The following YJU2B variants were observed in gnomAD, a reference collection of about 807,000 sequenced individuals.
The protein encoded by YJU2B is YJU2 splicing factor homolog B.
YJU2B carries 18 observed loss-of-function variants against 38.0 expected under a neutral mutation model. The ratio of observed to expected loss-of-function variants is 0.47; its 90% CI spans 0.33 to 0.70. The LOEUF is 0.70. Ranked by LOEUF, YJU2B falls within the 30% of genes least tolerant of loss-of-function variation. YJU2B has a pLI of 0.02. For missense variants in YJU2B, 538 were observed against 556.3 expected (o/e 0.97, Z 0.33); for synonymous variants, 246 against 225.4 (o/e 1.09, Z -0.82).
intron 1 of YJU2B, among the ~76,000 whole-genome samples, chr19:13,750,225 G>T (rs1228930271): frequency 6.6e-6 from 1 of 151,836 alleles, no homozygotes; most frequent in Non-Finnish European, 1.5e-5. Flanking sequence ...GAGTTCATTG[G>T]TTTTTTTTGT....
At position 13,759,147 on chromosome 19, in the gene YJU2B, G is replaced by C; in HGVS notation, c.448G>C (p.Glu150Gln). 3 of 1,613,736 alleles carry C rather than the reference G, an allele frequency of 1.9e-6. No homozygotes were observed. The highest frequency in any genetic ancestry group is 2.5e-6 in the Non-Finnish European group (3 of 1,179,916). Residue 150 changes from glutamate (E) to glutamine (Q), a missense_variant, in exon 8 of 10, where the codon GAG becomes CAG. Physicochemically the swap from Glu to Gln is conservative, Grantham distance 29. Around this residue, in one of 2 missense-constraint regions of YJU2B, gnomAD observed 488 missense variants for 469.5 expected, o/e 1.04. Transcript: ENST00000221554. The stretch of plus-strand genomic sequence containing the variant: ...GGAGACGGACGCCATGTTCCGGCTG[G>C]AGCATGGCGAGGCCGACCGCAGCAC... The part of the protein sequence containing the change: ...KLETDAMFRL[E>Q]HGEADRSTLK...
In YJU2B at chr19:13,752,066, G is replaced by A. The variant is rs185482571; in HGVS notation, c.3+255G>A. 4.4e-4 allele frequency among the ~76,000 whole-genome samples: 67 copies of A among 152,156 alleles called. No homozygotes were observed. In the East Asian group the frequency reaches 6.4e-3, roughly 15 times the overall value. ...TGCCTAGGCTGGAGTGCAGTGGCACGCTCTCGGCTCACTGCAACCTCCGCC... is the reference window on the plus strand; with the variant it reads ...TGCCTAGGCTGGAGTGCAGTGGCACACTCTCGGCTCACTGCAACCTCCGCC... On this transcript the variant is annotated intron_variant, in intron 2 of 9. Transcript: ENST00000221554.
upstream of YJU2B, among the ~76,000 whole-genome samples, chr19:13,747,452 C>T (rs1376331962): frequency 6.6e-6 from 1 of 152,234 alleles, no homozygotes; most frequent in Non-Finnish European, 1.5e-5. Flanking sequence ...GCCGGGGCAA[C>T]ATAGTAAGAC....
In YJU2B at chr19:13,762,925, A is replaced by C; in HGVS notation, c.1048A>C (p.Arg350=). The change falls in exon 10 of 10, where the codon AGG becomes CGG. Residue 350 remains arginine (R), a synonymous_variant. Transcript: ENST00000221554. The part of the protein sequence containing the change: ...TTETPKCSSP[R]GQEGSRQDKP... ...TGAGACCCCCAAGTGCAGCAGCCCG[A>C]GGGGGCAGGAAGGGAGCCGTCAGGA... 6.2e-7 allele frequency: 1 copy of C among 1,611,724 alleles called. No homozygotes were observed. The highest frequency in any genetic ancestry group is 8.5e-7 in the Non-Finnish European group (1 of 1,179,712).
chr19:13,758,725 C>T (rs1973762269), intron 6 of YJU2B, 143 bp from the exon 7 acceptor site: 8 of 922,978 alleles, frequency 8.7e-6, no homozygotes, highest in South Asian at 8.0e-5. Context: ...CCTTTTTGCC[C>T]GTGGCTCTAC....
chr19:13,755,251 G>A (rs1013074520), intron 3 of YJU2B, among the ~76,000 whole-genome samples: 2 of 150,820 alleles, frequency 1.3e-5, no homozygotes, highest in African/African-American at 2.4e-5. Context: ...TCACCAGGTC[G>A]AGAGTTTAAG....
chr19:13,761,106 G>A (rs1568298631), intron 8 of YJU2B, among the ~76,000 whole-genome samples: 1 of 152,040 alleles, frequency 6.6e-6, no homozygotes, highest in Admixed American at 6.5e-5. Context: ...TTGGCTGGGC[G>A]CGGTGGCTCA....
At chr19:13,755,758 C>T (rs1973642942) in intron 3 of YJU2B, among the ~76,000 whole-genome samples, 1 of 152,000 alleles carries the variant, frequency 6.6e-6, no homozygotes, top group East Asian at 1.9e-4. Context: ...GAGTTGGAGA[C>T]CAGCCTGGGT....
chr19:13,757,935 A>T, intron 6 of YJU2B, 89 bp downstream of exon 6: 1 of 1,165,522 alleles, frequency 8.6e-7, no homozygotes, highest in Non-Finnish European at 1.3e-6. Flanking sequence ...GGGGGAACCC[A>T]TTCCCTGCAG....
At chr19:13,739,790 T>TA (rs1490112319) in intron 2 of YJU2B, among the ~76,000 whole-genome samples, 11 of 152,170 alleles carry the variant, frequency 7.2e-5, no homozygotes, top group Non-Finnish European at 1.6e-4. Context: ...GCAGGTTTGT[T>TA]ACACAGCTAT....
Position 13,762,939 on chromosome 19 carries a change from G to A in YJU2B, c.1062G>A (p.Gly354=). The change falls in exon 10 of 10, where the codon GGG becomes GGA. Residue 354 remains glycine (G), a synonymous_variant. Transcript: ENST00000221554. ...GCAGCAGCCCGAGGGGGCAGGAAGG[G>A]AGCCGTCAGGACAAGCCCCTGTCGC... ...PKCSSPRGQE[G]SRQDKPLSPA... is the part of the protein sequence containing the mutation. The A allele has an allele frequency of 1.9e-6, 3 of 1,611,912 alleles. No individual in the cohort carries two copies. The highest frequency in any genetic ancestry group is 1.3e-5 in the African/African-American group (1 of 75,026).
intron 2 of YJU2B, among the ~76,000 whole-genome samples, chr19:13,737,652 G>GAA (rs1972988211): frequency 6.7e-6 from 1 of 149,860 alleles, no homozygotes. Flanking sequence ...AGGCATGGCG[G>GAA]CGAGCGCCTG....
chr19:13,762,810 C>CGACA lies in YJU2B; in HGVS notation c.934_937dup (p.Thr313ArgfsTer31), dbSNP rs946401064. ...TCCCGGAGAGCCCCCAGCATGCGGC[C>CGACA]GACACCCCCAAGTCTGGGGAACCGC... is the stretch of plus-strand genomic sequence containing the variant. On this transcript the variant is annotated frameshift_variant, in exon 10 of 10. Transcript: ENST00000221554. LOFTEE classifies it low-confidence loss of function (END_TRUNC). 2.5e-6 allele frequency: 4 copies of CGACA among 1,602,732 alleles called. No individual in the cohort carries two copies. The highest frequency in any genetic ancestry group is 3.4e-6 in the Non-Finnish European group (4 of 1,175,588).
At chr19:13,756,439 G>A (rs1973671470) in intron 4 of YJU2B, among the ~76,000 whole-genome samples, 160 bp downstream of exon 4, 2 of 152,186 alleles carry the variant, frequency 1.3e-5, no homozygotes. Flanking sequence ...AAAACAATAA[G>A]CATTTATTAT....
chr19:13,744,806 A>G (rs935293228), upstream of YJU2B, among the ~76,000 whole-genome samples: 1 of 152,156 alleles, frequency 6.6e-6, no homozygotes. Context: ...ATCTTGGCTA[A>G]CATGGTGAAA....
At chr19:13,745,682 G>GATAGAC (rs1555699806), upstream of YJU2B, among the ~76,000 whole-genome samples, 5 of 43,956 alleles carry the variant, frequency 1.1e-4, no homozygotes, top group African/African-American at 1.7e-4. Context: ...TAGATAGATA[G>GATAGAC]ATAGATAGAT....
intron 5 of YJU2B, 30 bp downstream of exon 5, chr19:13,757,503 C>T: frequency 6.3e-7 from 1 of 1,599,190 alleles, no homozygotes; most frequent in Non-Finnish European, 8.6e-7. Context: ...CCATTCAGTC[C>T]TGCAAACATC....
At chr19:13,740,156 G>T (rs1033353927) in intron 2 of YJU2B, among the ~76,000 whole-genome samples, 1 of 152,312 alleles carries the variant, frequency 6.6e-6, no homozygotes, top group South Asian at 2.1e-4. Context: ...GTCCTTTGCA[G>T]GGACATGCAT....
At chr19:13,739,783 G>A (rs1219123395) in intron 2 of YJU2B, among the ~76,000 whole-genome samples, 1 of 152,110 alleles carries the variant, frequency 6.6e-6, no homozygotes, top group African/African-American at 2.4e-5. Context: ...AGAACGTGCA[G>A]GTTTGTTACA....
Sources: gnomAD v4.1 joint callset for allele counts (sites outside exome capture counted in the v4.1 genomes callset) on GRCh38, gnomAD v4.1.1 for gene constraint, gnomAD v4.1.1 regional missense constraint, MANE v1.5 for transcripts, NCBI Gene and HGNC (gene_info 2026-07-23, HGNC 2026-07-21) for gene names.